ENAH: variants seen among roughly 807,000 people sequenced by gnomAD.
ENAH encodes protein enabled homolog.
ENAH carries 23 observed loss-of-function variants against 78.7 expected under a neutral mutation model. The ratio of observed to expected loss-of-function variants is 0.29; its 90% CI spans 0.21 to 0.41. ENAH has a LOEUF of 0.41. Ranked by LOEUF, ENAH falls within the 10% of genes least tolerant of loss-of-function variation. The probability of loss-of-function intolerance (pLI) is 1.00; values close to 1 mark genes in which losing one functional copy is unlikely to be tolerated. For missense variants in ENAH, 544 were observed against 691.0 expected (o/e 0.79, Z 2.39); for synonymous variants, 226 against 241.0 (o/e 0.94, Z 0.58).
intron 1 of ENAH, among the ~76,000 whole-genome samples, chr1:225,611,412 A>T (rs1305612835): frequency 1.3e-5 from 2 of 152,068 alleles, no homozygotes; most frequent in Non-Finnish European, 2.9e-5. Context: ...TCTGCCTCCC[A>T]GATTCAAGTG....
chr1:225,538,579 AC>A (rs1432026290), intron 3 of ENAH, among the ~76,000 whole-genome samples: 1 of 147,906 alleles, frequency 6.8e-6, no homozygotes, highest in Non-Finnish European at 1.5e-5. Flanking sequence ...TTTTCACTCA[AC>A]CTTAAGGCAA....
chr1:225,639,070 A>G (rs1660564158), intron 1 of ENAH, among the ~76,000 whole-genome samples: 1 of 152,196 alleles, frequency 6.6e-6, no homozygotes. Flanking sequence ...AAAGCAACAC[A>G]ATGCATATCA....
intron 1 of ENAH, among the ~76,000 whole-genome samples, chr1:225,609,656 ATTTTTTTTTTTT>A (rs59508510): frequency 5.2e-5 from 4 of 76,506 alleles, no homozygotes; most frequent in East Asian, 4.8e-4. Context: ...GGAAAAATGG[ATTTTTTTTTTTT>A]TTTTTTTTTT....
intron 4 of ENAH, among the ~76,000 whole-genome samples, chr1:225,526,316 A>G (rs1283323912): frequency 6.9e-6 from 1 of 145,160 alleles, no homozygotes; most frequent in African/African-American, 2.5e-5. Flanking sequence ...CAAAACTTCT[A>G]TTTCTTTCTT....
At chr1:225,518,443 C>T (rs1379462764) in intron 5 of ENAH, among the ~76,000 whole-genome samples, 1 of 152,140 alleles carries the variant, frequency 6.6e-6, no homozygotes, top group African/African-American at 2.4e-5. Context: ...CTATTCAATG[C>T]TAACTTGTGG....
intron 4 of ENAH, chr1:225,524,609 G>C: frequency 1.0e-6 from 1 of 985,358 alleles, no homozygotes; most frequent in Non-Finnish European, 1.2e-6. Context: ...AAGAGAAGGC[G>C]GTCAACTTTT....
chr1:225,608,220 G>GAAAAAAAAAAA (rs60998592), intron 1 of ENAH, among the ~76,000 whole-genome samples: 73 of 91,202 alleles, frequency 8.0e-4, no homozygotes, highest in East Asian at 1.3e-3. Context: ...ATAAAAAACA[G>GAAAAAAAAAAA]AAAAAAAAAA....
At chr1:225,604,140 T>TA (rs2096943318) in intron 1 of ENAH, among the ~76,000 whole-genome samples, 1 of 152,228 alleles carries the variant, frequency 6.6e-6, no homozygotes, top group Non-Finnish European at 1.5e-5. Context: ...GTCATTCTAC[T>TA]AATTAAACTC....
chr1:225,572,270 G>A (rs1479530751), intron 1 of ENAH, among the ~76,000 whole-genome samples: 1 of 152,118 alleles, frequency 6.6e-6, no homozygotes, highest in African/African-American at 2.4e-5. Context: ...AAATAAATTG[G>A]TGGTAAGCAG....
At chr1:225,530,432 G>GT (rs2096532433) in intron 4 of ENAH, 122 bp downstream of exon 4, 3 of 714,590 alleles carry the variant, frequency 4.2e-6, no homozygotes, top group Non-Finnish European at 7.2e-6. Context: ...ACTTACTAAT[G>GT]TAAGAATAAA....
chr1:225,643,843 G>A (rs1661501079), intron 1 of ENAH, among the ~76,000 whole-genome samples: 3 of 152,084 alleles, frequency 2.0e-5, no homozygotes, highest in South Asian at 2.1e-4. Context: ...AGGCTGAGAT[G>A]GGAGGATCGC....
At position 225,494,533 on chromosome 1, in the gene ENAH, A is replaced by G. The variant is rs567815843; in HGVS notation, c.*3242T>C. The G allele has an allele frequency of 1.3e-5, 2 of 152,300 alleles. No individual in the cohort carries two copies. Among genetic ancestry groups the G allele is most frequent in the East Asian group, 1.9e-4 (1 of 5,186 alleles). The allele number at this position is 152,300 out of a possible 1,614,324, so 9.4% of individuals were successfully genotyped here. On this transcript the variant is annotated 3_prime_UTR_variant, in exon 14 of 14. Coordinates refer to ENST00000366843, the MANE Select transcript of ENAH (RefSeq NM_018212.6). ...TAAACACTTAATCATCATCTTGACT[A>G]TAAGAGGAAGTTACTGTGTCAAGGT... is the stretch of plus-strand genomic sequence containing the variant.
At chr1:225,584,817 T>G (rs1414347719) in intron 1 of ENAH, among the ~76,000 whole-genome samples, 1 of 152,176 alleles carries the variant, frequency 6.6e-6, no homozygotes, top group Non-Finnish European at 1.5e-5. Context: ...TAGTATCAGA[T>G]AAAGTAGACT....
At chr1:225,624,670 A>T (rs1464624277) in intron 1 of ENAH, among the ~76,000 whole-genome samples, 2 of 152,074 alleles carry the variant, frequency 1.3e-5, no homozygotes, top group Non-Finnish European at 2.9e-5. Context: ...TATTTTAAAA[A>T]TAAATAAAAA....
intron 1 of ENAH, 148 bp downstream of exon 1, chr1:225,652,538 G>T (rs1425845366): frequency 2.8e-6 from 3 of 1,058,098 alleles, no homozygotes; most frequent in Non-Finnish European, 3.6e-6. Flanking sequence ...GAAATTGGAA[G>T]GGACAAAAGG....
rs375266939 is a variant in ENAH at position 225,491,058 on chromosome 1, G to A, written c.*6717C>T. The A allele has an allele frequency of 6.6e-6, 1 of 152,198 alleles. No individual in the cohort carries two copies. Among genetic ancestry groups the A allele is most frequent in the Non-Finnish European group, 1.5e-5 (1 of 68,032 alleles). 9.4% of individuals were successfully genotyped at this position (152,198 alleles called of 1,614,324 possible). On this transcript the variant is annotated 3_prime_UTR_variant, in exon 14 of 14. Coordinates refer to ENST00000366843, the MANE Select transcript of ENAH (RefSeq NM_018212.6). ...CATATTTAAAATGCCCAGTGCCTCG[G>A]TCAGCAGAACCAACCAAGTGACACC...
chr1:225,561,086 T>C (rs1264006903), intron 2 of ENAH, among the ~76,000 whole-genome samples: 1 of 150,832 alleles, frequency 6.6e-6, no homozygotes, highest in African/African-American at 2.4e-5. Context: ...ATACAAAAAT[T>C]AGCTGGGCTT....
rs374239222 is a variant in ENAH, at chr1:225,519,520, C to T, written c.480G>A (p.Arg160=). The change falls in exon 5 of 14, where the codon AGG becomes AGA. Residue 160 remains arginine (R), a synonymous_variant. Coordinates refer to ENST00000366843, the MANE Select transcript of ENAH (RefSeq NM_018212.6). The stretch of plus-strand genomic sequence containing the variant: ...CTCTTTCCATTCTTTCTCGCTCCAG[C>T]CTTTCCCGCTCCAGCTCCTTTTGCC... ...QQRQKELERE[R]LERERMERER... 2 of 1,612,390 alleles carry T rather than the reference C, an allele frequency of 1.2e-6. No homozygotes were observed. The highest frequency in any genetic ancestry group is 1.7e-4 in the Middle Eastern group (1 of 6,060).
intron 2 of ENAH, among the ~76,000 whole-genome samples, chr1:225,556,052 G>A (rs1328171498): frequency 6.6e-6 from 1 of 152,088 alleles, no homozygotes; most frequent in African/African-American, 2.4e-5. Flanking sequence ...GCTGTGGTTT[G>A]TTCATTTTCA....
Sources: gnomAD v4.1 joint callset for allele counts (sites outside exome capture counted in the v4.1 genomes callset) on GRCh38, gnomAD v4.1.1 for gene constraint, MANE v1.5 for transcripts, NCBI Gene and HGNC (gene_info 2026-07-23, HGNC 2026-07-21) for gene names.